The following FAM76A variants were observed in gnomAD, a reference collection of about 807,000 sequenced individuals.
The protein encoded by FAM76A is protein FAM76A.
Under a neutral mutation model 46.2 loss-of-function variants are expected in FAM76A, and 32 were observed. The ratio of observed to expected loss-of-function variants is 0.69; its 90% CI spans 0.52 to 0.93. The LOEUF is 0.93. Ranked by LOEUF, FAM76A falls within the 40% of genes least tolerant of loss-of-function variation. The probability of loss-of-function intolerance (pLI) is 0.00; values close to 1 mark genes in which losing one functional copy is unlikely to be tolerated. For synonymous variants in FAM76A, 137 were observed against 127.0 expected (o/e 1.08, Z -0.53); for missense variants, 274 against 361.5 (o/e 0.76, Z 1.96).
At chr1:27,732,856 T>C (rs1352353922) in intron 3 of FAM76A, among the ~76,000 whole-genome samples, 199 bp downstream of exon 3, 3 of 152,192 alleles carry the variant, frequency 2.0e-5, no homozygotes, top group Non-Finnish European at 2.9e-5. Flanking sequence ...ACTGCCAGGA[T>C]TATGATTATA....
intron 4 of FAM76A, chr1:27,739,279 T>C (rs897024508): frequency 7.6e-6 from 4 of 522,922 alleles, no homozygotes; most frequent in Admixed American, 6.0e-5. Context: ...TACTGCCAAG[T>C]AGAAGAAAAG....
chr1:27,758,169 T>C (rs1194085118), intron 7 of FAM76A, among the ~76,000 whole-genome samples: 1 of 152,226 alleles, frequency 6.6e-6, no homozygotes, highest in Non-Finnish European at 1.5e-5. Flanking sequence ...TGCATTCATC[T>C]AATTTCTACC....
chr1:27,735,168 G>C (rs1405002643), intron 4 of FAM76A, among the ~76,000 whole-genome samples: 1 of 152,188 alleles, frequency 6.6e-6, no homozygotes, highest in East Asian at 1.9e-4. Flanking sequence ...TGTGCCTAAT[G>C]CATCCTTCTC....
intron 5 of FAM76A, among the ~76,000 whole-genome samples, chr1:27,745,278 A>G (rs774790044): frequency 1.3e-5 from 2 of 152,064 alleles, no homozygotes; most frequent in African/African-American, 2.4e-5. Flanking sequence ...TCTGGATGGA[A>G]TGCTGGCTCT....
chr1:27,762,006 T>A lies in FAM76A; in HGVS notation c.*1425T>A, dbSNP rs2088517724. 6.6e-6 allele frequency: 1 copy of A among 151,110 alleles called. No individual in the cohort carries two copies. Among genetic ancestry groups the A allele is most frequent in the African/African-American group, 2.4e-5 (1 of 40,980 alleles). The allele number at this position is 151,110 out of a possible 1,614,324, so 9.4% of individuals were successfully genotyped here. Reference sequence around the variant, plus strand: ...GGAATAATATTTGAACTACAGAGCATTTTTGGGGTCAGCATGAGCTGCTCT... The same window carrying A: ...GGAATAATATTTGAACTACAGAGCAATTTTGGGGTCAGCATGAGCTGCTCT... On this transcript the variant is annotated 3_prime_UTR_variant, in exon 9 of 9. Coordinates refer to ENST00000373954, the MANE Select transcript of FAM76A (RefSeq NM_152660.3).
chr1:27,754,099 CTTTTT>C (rs869275641), intron 6 of FAM76A, among the ~76,000 whole-genome samples: 1 of 87,526 alleles, frequency 1.1e-5, no homozygotes, highest in African/African-American at 5.1e-5. Flanking sequence ...ACTATCCCTT[CTTTTT>C]TTTTTTTTTT....
At chr1:27,741,874 C>G (rs1314451005) in intron 4 of FAM76A, among the ~76,000 whole-genome samples, 1 of 142,564 alleles carries the variant, frequency 7.0e-6, no homozygotes, top group African/African-American at 2.9e-5. Context: ...CAAAGTGAGA[C>G]TCTATCTCAA....
intron 6 of FAM76A, among the ~76,000 whole-genome samples, chr1:27,753,953 G>A (rs1238617059): frequency 1.3e-5 from 2 of 152,112 alleles, no homozygotes; most frequent in Non-Finnish European, 2.9e-5. Flanking sequence ...TCTTGGCAGT[G>A]ATTCCTTAAC....
chr1:27,726,511 C>G (rs2087863268), intron 1 of FAM76A, among the ~76,000 whole-genome samples: 1 of 152,204 alleles, frequency 6.6e-6, no homozygotes, highest in Non-Finnish European at 1.5e-5. Flanking sequence ...GTGGGGACCT[C>G]CTGCCCCTCC....
chr1:27,726,145 G>T lies in FAM76A; in HGVS notation c.65G>T (p.Gly22Val). The T allele has an allele frequency of 7.6e-7, 1 of 1,307,212 alleles. No individual in the cohort carries two copies. The highest frequency in any genetic ancestry group is 3.0e-5 in the East Asian group (1 of 32,832). The allele number at this position is 1,307,212 out of a possible 1,614,324, so 81.0% of individuals were successfully genotyped here. A position where few individuals can be genotyped will look rare whatever the true frequency, so the allele number is the denominator to read the frequency against. The change falls in exon 1 of 9, where the codon GGG becomes GTG. Residue 22 changes from glycine to valine, a missense_variant. By Grantham distance (109) the Gly-to-Val change is moderately radical. Transcript: ENST00000373954. ...TTCCCCTTCGAGGCGCTGTCTCAGGGGCAGCAGCTGTGCAAGGTGCGCGGG... is the reference window on the plus strand; with the variant it reads ...TTCCCCTTCGAGGCGCTGTCTCAGGTGCAGCAGCTGTGCAAGGTGCGCGGG... ...QRFPFEALSQ[G>V]QQLCKECRIA... is the part of the protein sequence containing the mutation.
intron 7 of FAM76A, among the ~76,000 whole-genome samples, chr1:27,757,968 C>T (rs573015856): frequency 3.5e-5 from 5 of 143,242 alleles, no homozygotes; most frequent in Non-Finnish European, 7.4e-5. Context: ...CAGAGCAAGA[C>T]TCCATCTCAA....
intron 4 of FAM76A, among the ~76,000 whole-genome samples, chr1:27,737,567 C>G (rs2014957): frequency 2.6e-5 from 4 of 151,444 alleles, no homozygotes; most frequent in Non-Finnish European, 5.9e-5. Context: ...ATACAAAAAT[C>G]TCGGCCGGGC....
chr1:27,730,740 C>A (rs1477733172), intron 2 of FAM76A, among the ~76,000 whole-genome samples: 1 of 152,048 alleles, frequency 6.6e-6, no homozygotes, highest in African/African-American at 2.4e-5. Context: ...TGAGGTTTTT[C>A]TTTTGTCTAT....
intron 6 of FAM76A, 138 bp from the exon 7 acceptor site, chr1:27,755,057 C>T: frequency 2.2e-6 from 2 of 906,916 alleles, no homozygotes; most frequent in Non-Finnish European, 3.4e-6. Context: ...TTGAGCCCAG[C>T]ATGTGTGGTG....
chr1:27,746,328 T>C (rs61787130), intron 5 of FAM76A, among the ~76,000 whole-genome samples: 1,705 of 151,922 alleles, frequency 0.011, 25 homozygotes, highest in Admixed American at 0.035. Context: ...AGGGGAGAAA[T>C]GGGTCTAGTT....
intron 5 of FAM76A, among the ~76,000 whole-genome samples, chr1:27,748,837 TTTAA>T (rs1440932560): frequency 2.6e-5 from 4 of 152,160 alleles, no homozygotes; most frequent in Admixed American, 6.6e-5. Context: ...GCAGGTAATA[TTTAA>T]TTAATTAAGG....
At chr1:27,742,573 G>A (rs1253427195) in intron 4 of FAM76A, among the ~76,000 whole-genome samples, 1 of 152,094 alleles carries the variant, frequency 6.6e-6, no homozygotes, top group Non-Finnish European at 1.5e-5. Context: ...CATTTATAAA[G>A]TATTAAAACT....
intron 2 of FAM76A, among the ~76,000 whole-genome samples, chr1:27,731,969 G>A (rs939425439): frequency 2.6e-5 from 4 of 151,900 alleles, no homozygotes; most frequent in Non-Finnish European, 2.9e-5. Context: ...TTACAGGCAC[G>A]CGCCACCACG....
intron 6 of FAM76A, among the ~76,000 whole-genome samples, chr1:27,753,820 G>A (rs1413313332): frequency 2.0e-5 from 3 of 152,222 alleles, no homozygotes; most frequent in Non-Finnish European, 2.9e-5. Context: ...TATATATAGG[G>A]AGTTGAGAAT....
Sources: allele counts gnomAD v4.1 joint callset (sites outside exome capture counted in the v4.1 genomes callset), GRCh38; gene constraint gnomAD v4.1.1; transcripts MANE v1.5; gene names NCBI Gene and HGNC (gene_info 2026-07-23, HGNC 2026-07-21).